The following PAM variants were observed in gnomAD, a reference collection of about 807,000 sequenced individuals.
PAM encodes peptidylglycine alpha-amidating monooxygenase.
PAM carries 72 observed loss-of-function variants against 122.1 expected under a neutral mutation model. That is an observed-to-expected ratio of 0.59 (90% CI 0.49 to 0.72). PAM has a LOEUF of 0.72. Among genes scored for constraint, PAM ranks in the 30% least tolerant of loss-of-function variants. The pLI is 0.00. For missense variants in PAM, 1,106 were observed against 1,183.7 expected (o/e 0.93, Z 0.96); for synonymous variants, 389 against 404.4 (o/e 0.96, Z 0.46).
chr5:102,978,404 T>C (rs998451081), intron 15 of PAM, among the ~76,000 whole-genome samples: 1 of 152,232 alleles, frequency 6.6e-6, no homozygotes, highest in Non-Finnish European at 1.5e-5. Context: ...ATAGTTTAGA[T>C]AGAGATAGCA....
At chr5:102,925,128 A>T (rs1447430201) in intron 6 of PAM, 86 bp downstream of exon 6, 1 of 775,636 alleles carries the variant, frequency 1.3e-6, no homozygotes, top group East Asian at 2.4e-5. Context: ...CTTTCTAACC[A>T]GTGTTGACAG....
intron 1 of PAM, among the ~76,000 whole-genome samples, chr5:102,769,502 T>G (rs1217289868): frequency 6.6e-6 from 1 of 152,206 alleles, no homozygotes; most frequent in Admixed American, 6.5e-5. Flanking sequence ...GATTTAAGTC[T>G]TTAATCCATT....
At chr5:102,820,564 A>AC (rs1771521875) in intron 1 of PAM, among the ~76,000 whole-genome samples, 1 of 152,148 alleles carries the variant, frequency 6.6e-6, no homozygotes, top group Non-Finnish European at 1.5e-5. Flanking sequence ...TTTTAAGAAG[A>AC]AAAAAAGATA....
intron 16 of PAM, among the ~76,000 whole-genome samples, chr5:103,002,550 TATA>T (rs1777720340): frequency 6.6e-6 from 1 of 152,198 alleles, no homozygotes; most frequent in Non-Finnish European, 1.5e-5. Context: ...GTACCTAAAG[TATA>T]ATAACGAACA....
intron 1 of PAM, among the ~76,000 whole-genome samples, chr5:102,806,495 G>T (rs1766260943): frequency 6.6e-6 from 1 of 152,144 alleles, no homozygotes; most frequent in Admixed American, 6.5e-5. Context: ...AATGTCCTGG[G>T]TGTGTATCTT....
intron 1 of PAM, among the ~76,000 whole-genome samples, chr5:102,775,913 C>T (rs1308087835): frequency 1.3e-5 from 2 of 152,114 alleles, no homozygotes; most frequent in Non-Finnish European, 2.9e-5. Context: ...GAGGAATTGC[C>T]AAACTGTCTT....
chr5:102,962,945 C>T (rs1453558460), intron 14 of PAM, among the ~76,000 whole-genome samples: 1 of 151,510 alleles, frequency 6.6e-6, no homozygotes, highest in Admixed American at 6.6e-5. Flanking sequence ...AAATTATTTT[C>T]CTGCAGTTTC....
At chr5:102,926,714 T>C (rs372516630) in intron 7 of PAM, 46 bp downstream of exon 7, 2 of 926,138 alleles carry the variant, frequency 2.2e-6, no homozygotes, top group African/African-American at 3.3e-5. Context: ...TAGTACTATA[T>C]TGTTTAAAAT....
chr5:102,900,882 A>T (rs1797632766), intron 3 of PAM, among the ~76,000 whole-genome samples: 1 of 151,588 alleles, frequency 6.6e-6, no homozygotes, highest in Non-Finnish European at 1.5e-5. Flanking sequence ...ATTTAAAGTA[A>T]GGGAGGGCAA....
At chr5:102,874,074 C>G (rs1788383185) in intron 3 of PAM, among the ~76,000 whole-genome samples, 1 of 152,126 alleles carries the variant, frequency 6.6e-6, no homozygotes, top group African/African-American at 2.4e-5. Context: ...CTAATATTAT[C>G]TTCATTTTAC....
At chr5:102,899,621 A>T (rs944114533) in intron 3 of PAM, among the ~76,000 whole-genome samples, 1 of 151,690 alleles carries the variant, frequency 6.6e-6, no homozygotes, top group Non-Finnish European at 1.5e-5. Flanking sequence ...ATGATCTTGA[A>T]TATATTAGTA....
chr5:102,901,782 G>T (rs1012878251), intron 4 of PAM, among the ~76,000 whole-genome samples: 1 of 151,424 alleles, frequency 6.6e-6, no homozygotes, highest in African/African-American at 2.4e-5. Context: ...ACTGCACTTA[G>T]AATCAACATT....
intron 1 of PAM, among the ~76,000 whole-genome samples, chr5:102,817,151 T>C (rs1453902610): frequency 1.3e-5 from 2 of 152,206 alleles, no homozygotes; most frequent in Non-Finnish European, 2.9e-5. Context: ...ATGTTTTATA[T>C]ACTCTTAAAT....
chr5:102,916,864 T>C (rs974318480), intron 5 of PAM, among the ~76,000 whole-genome samples: 2 of 151,216 alleles, frequency 1.3e-5, no homozygotes, highest in Non-Finnish European at 3.0e-5. Context: ...TCCTCAGTAG[T>C]TGGGACTACA....
intron 1 of PAM, among the ~76,000 whole-genome samples, chr5:102,829,057 A>C (rs1774587418): frequency 6.6e-6 from 1 of 151,940 alleles, no homozygotes. Flanking sequence ...AGACTTAAAG[A>C]TATATAACAA....
intron 1 of PAM, among the ~76,000 whole-genome samples, chr5:102,853,016 T>G (rs1054996402): frequency 1.3e-5 from 2 of 152,210 alleles, no homozygotes; most frequent in African/African-American, 4.8e-5. Context: ...TATATTTCAT[T>G]TGTTCCAGAA....
chr5:102,948,789 TAGAA>T (rs1057201152), intron 9 of PAM, among the ~76,000 whole-genome samples: 2 of 152,080 alleles, frequency 1.3e-5, no homozygotes, highest in African/African-American at 4.8e-5. Flanking sequence ...AACTTCTACA[TAGAA>T]AGATTTAAAA....
At chr5:102,782,725 C>CTGTGTGTGTGTGTG (rs35149404) in intron 1 of PAM, among the ~76,000 whole-genome samples, 1 of 140,120 alleles carries the variant, frequency 7.1e-6, no homozygotes, top group Non-Finnish European at 1.5e-5. Context: ...CTCTCTCTCT[C>CTGTGTGTGTGTGTG]TGTGTGTGTG....
intron 1 of PAM, among the ~76,000 whole-genome samples, chr5:102,862,147 G>C (rs1357003289): frequency 6.8e-6 from 1 of 147,894 alleles, no homozygotes; most frequent in Non-Finnish European, 1.5e-5. Context: ...TCCAGCCTGG[G>C]TGACAAAGTA....
Sources: gnomAD v4.1 joint callset for allele counts (sites outside exome capture counted in the v4.1 genomes callset) on GRCh38, gnomAD v4.1.1 for gene constraint, MANE v1.5 for transcripts, NCBI Gene and HGNC (gene_info 2026-07-23, HGNC 2026-07-21) for gene names.